The following ANKRD44 variants were observed in gnomAD, a reference collection of about 807,000 sequenced individuals.
ANKRD44 encodes the protein serine/threonine-protein phosphatase 6 regulatory ankyrin repeat subunit B.
Under a neutral mutation model 116.0 loss-of-function variants are expected in ANKRD44, and 35 were observed. The observed-to-expected ratio is 0.30, with a 90% CI of 0.23 to 0.40. The LOEUF is 0.40. ANKRD44 is among the 10% of genes least tolerant of loss of function. The pLI is 1.00. For synonymous variants in ANKRD44, 435 were observed against 461.8 expected (o/e 0.94, Z 0.74); for missense variants, 1,014 against 1,242.6 (o/e 0.82, Z 2.77).
At chr2:197,163,452 T>C (rs2080018671) in intron 2 of ANKRD44, among the ~76,000 whole-genome samples, 1 of 152,240 alleles carries the variant, frequency 6.6e-6, no homozygotes, top group Non-Finnish European at 1.5e-5. Context: ...CACTGAGTTT[T>C]TTAAAGATGT....
At chr2:197,136,800 G>GA (rs1225402247) in intron 3 of ANKRD44, 138 bp from the exon 4 acceptor site, 3 of 706,546 alleles carry the variant, frequency 4.2e-6, no homozygotes, top group Non-Finnish European at 7.3e-6. Flanking sequence ...GTCATGTGCT[G>GA]ACAAGATTTG....
chr2:197,218,941 G>A (rs1421425139), intron 1 of ANKRD44, among the ~76,000 whole-genome samples: 1 of 151,350 alleles, frequency 6.6e-6, no homozygotes, highest in Non-Finnish European at 1.5e-5. Flanking sequence ...TGTATTTTTA[G>A]TAGAGACAGG....
intron 16 of ANKRD44, among the ~76,000 whole-genome samples, chr2:197,037,764 C>T (rs1012249441): frequency 6.6e-6 from 1 of 152,100 alleles, no homozygotes; most frequent in Non-Finnish European, 1.5e-5. Context: ...ATAGTGAGAA[C>T]CTGTCTCTAC....
intron 17 of ANKRD44, chr2:197,015,438 T>C: frequency 1.9e-6 from 1 of 521,372 alleles, no homozygotes; most frequent in South Asian, 2.0e-5. Flanking sequence ...AAACTGTCAT[T>C]CAGAAACACC....
At chr2:197,231,778 G>A (rs1443059472) in intron 1 of ANKRD44, among the ~76,000 whole-genome samples, 1 of 152,026 alleles carries the variant, frequency 6.6e-6, no homozygotes, top group Non-Finnish European at 1.5e-5. Flanking sequence ...TGAATGTAGG[G>A]CCTTGTTCAT....
intron 16 of ANKRD44, among the ~76,000 whole-genome samples, chr2:197,049,726 C>T (rs2077070629): frequency 6.6e-6 from 1 of 152,076 alleles, no homozygotes; most frequent in Non-Finnish European, 1.5e-5. Context: ...AAGTGACCCT[C>T]CAGTCTCAGC....
In ANKRD44 at chr2:197,273,983, AT is replaced by A. The variant is rs2082992294; in HGVS notation, c.27+36594del. 2.5e-3 allele frequency among the ~76,000 whole-genome samples: 71 copies of A among 28,196 alleles called. 2 individuals are homozygous for A. Among genetic ancestry groups the A allele is most frequent in the Middle Eastern group, 0.013 (1 of 76 alleles). The allele number at this position is 28,196 out of a possible 152,430, so 18.5% of individuals were successfully genotyped here. A position where few individuals can be genotyped will look rare whatever the true frequency, so the allele number is the denominator to read the frequency against. On this transcript the variant is annotated intron_variant, in intron 1 of 27. Transcript: ENST00000282272. ...CACAAAAAAAAAAAAAAAAAAAAAT[AT>A]ATATATATATATATATATATATATA...
At chr2:197,007,996 A>G in intron 19 of ANKRD44, 73 bp from the exon 20 acceptor site, 1 of 769,238 alleles carries the variant, frequency 1.3e-6, no homozygotes, top group Non-Finnish European at 2.0e-6. Context: ...GTAGGAAGAC[A>G]TTCTCTTTCT....
At chr2:197,160,312 G>T (rs939028066) in intron 2 of ANKRD44, among the ~76,000 whole-genome samples, 1 of 152,134 alleles carries the variant, frequency 6.6e-6, no homozygotes, top group Non-Finnish European at 1.5e-5. Context: ...TGACATCTCT[G>T]TGGCTTATCC....
chr2:197,081,302 G>A (rs2077789960), intron 15 of ANKRD44, among the ~76,000 whole-genome samples: 1 of 152,196 alleles, frequency 6.6e-6, no homozygotes, highest in Non-Finnish European at 1.5e-5. Flanking sequence ...CAGGTCATAA[G>A]AGCAGAACCT....
At chr2:196,998,490 C>T (rs1966703) in intron 24 of ANKRD44, 71 bp from the exon 25 acceptor site, 822,799 of 1,062,850 alleles carry the variant, frequency 0.77, 327,226 homozygotes, top group East Asian at 0.98. Context: ...GAAGTTACTA[C>T]AAACACAATA....
chr2:197,099,244 T>C (rs1574453538), intron 10 of ANKRD44, among the ~76,000 whole-genome samples: 1 of 152,208 alleles, frequency 6.6e-6, no homozygotes, highest in Admixed American at 6.5e-5. Context: ...TGATCTTGCA[T>C]GGTTCTTTGA....
chr2:197,251,965 C>T (rs914641724), intron 1 of ANKRD44, among the ~76,000 whole-genome samples: 1 of 152,118 alleles, frequency 6.6e-6, no homozygotes, highest in Admixed American at 6.5e-5. Flanking sequence ...AACGTTTATG[C>T]ATCAGTCCTT....
At chr2:197,015,557 G>T in intron 17 of ANKRD44, 1 of 512,996 alleles carries the variant, frequency 1.9e-6, no homozygotes, top group Non-Finnish European at 3.6e-6. Context: ...AATTTTATGG[G>T]TGGTAGAGGA....
intron 17 of ANKRD44, among the ~76,000 whole-genome samples, chr2:197,024,688 C>T (rs2076557989): frequency 6.6e-6 from 1 of 152,174 alleles, no homozygotes; most frequent in Non-Finnish European, 1.5e-5. Context: ...CCTCAGACTT[C>T]GTTGAAGACC....
chr2:197,148,270 G>A (rs749582729), intron 2 of ANKRD44, among the ~76,000 whole-genome samples: 19 of 152,224 alleles, frequency 1.2e-4, no homozygotes, highest in African/African-American at 4.1e-4. Flanking sequence ...GTAAAGAACC[G>A]GCCTCACTCT....
chr2:197,102,059 A>C lies in ANKRD44; in HGVS notation c.986-2129T>G, dbSNP rs6722851. Among the ~76,000 whole-genome samples the C allele has an allele frequency of 1.2e-3, 177 of 152,062 alleles. 1 individual carries two copies. Among genetic ancestry groups the C allele is most frequent in the African/African-American group, 4.0e-3 (166 of 41,526 alleles). On this transcript the variant is annotated intron_variant, in intron 9 of 27. Transcript: ENST00000282272. ...TCTGTGTTTCGCTTTGCAAAAAAAA[A>C]CAAAAAACAAAAACAAAAACAAAAA...
At chr2:197,101,270 G>A (rs1038268612) in intron 9 of ANKRD44, among the ~76,000 whole-genome samples, 6 of 151,572 alleles carry the variant, frequency 4.0e-5, no homozygotes, top group African/African-American at 1.2e-4. Context: ...GATATTATTG[G>A]AGCCCAAATC....
At chr2:196,986,616 T>C, downstream of ANKRD44, 1 of 806,518 alleles carries the variant, frequency 1.2e-6, no homozygotes, top group Non-Finnish European at 1.5e-6. Flanking sequence ...AGATTTAAAT[T>C]AGCATAATTT....
Sources: gnomAD v4.1 joint callset for allele counts (sites outside exome capture counted in the v4.1 genomes callset) on GRCh38, gnomAD v4.1.1 for gene constraint, MANE v1.5 for transcripts, NCBI Gene and HGNC (gene_info 2026-07-23, HGNC 2026-07-21) for gene names.